RAP2A: variants seen among roughly 807,000 people sequenced by gnomAD.
RAP2A encodes ras-related protein Rap-2a.
A neutral mutation model predicts 15.1 loss-of-function variants in RAP2A; 5 were observed. The ratio of observed to expected loss-of-function variants is 0.33; its 90% confidence interval spans 0.17 to 0.70. The LOEUF is 0.70. Ranked by LOEUF, RAP2A falls within the 30% of genes least tolerant of loss-of-function variation. The pLI is 0.68. For synonymous variants in RAP2A, 110 were observed against 99.7 expected, an observed-to-expected ratio of 1.10 and a Z score of -0.62; for missense variants, 111 against 240.3, an observed-to-expected ratio of 0.46 and a Z score of 3.56.
Position 97,466,771 on chromosome 13 carries a change from A to C in RAP2A, c.*2329A>C, listed in dbSNP as rs1324022985. On this transcript the variant is annotated 3_prime_UTR_variant, in exon 2 of 2. Coordinates refer to ENST00000245304, the MANE Select transcript of RAP2A (RefSeq NM_021033.7). ...GATGACAGGGTGGGCTTTTACTGTC[A>C]AGACATGAATAAGAACTGATCTGGC... The C allele has an allele frequency of 6.6e-6, 1 of 152,194 alleles. No homozygotes were observed. The highest frequency in any genetic ancestry group is 1.5e-5 in the Non-Finnish European group (1 of 68,016). 9.4% of individuals were successfully genotyped at this position (152,194 alleles called of 1,614,324 possible).
At chr13:97,449,633 T>C (rs1300318744) in intron 1 of RAP2A, among the ~76,000 whole-genome samples, 2 of 152,232 alleles carry the variant, frequency 1.3e-5, no homozygotes, top group East Asian at 3.8e-4. Flanking sequence ...TGTCAAAATG[T>C]AACTCTTCAT....
chr13:97,435,031 T>C (rs988867881), intron 1 of RAP2A, among the ~76,000 whole-genome samples: 1 of 152,196 alleles, frequency 6.6e-6, no homozygotes, highest in Non-Finnish European at 1.5e-5. Flanking sequence ...TAGCATTGCT[T>C]GTTACAGAGC....
chr13:97,448,062 T>G (rs2066687000), intron 1 of RAP2A, among the ~76,000 whole-genome samples: 1 of 152,096 alleles, frequency 6.6e-6, no homozygotes, highest in Non-Finnish European at 1.5e-5. Flanking sequence ...TGACTTGACT[T>G]AGTATTTACT....
At chr13:97,435,207 AAAGTC>A (rs1033572955) in intron 1 of RAP2A, among the ~76,000 whole-genome samples, 1 of 152,222 alleles carries the variant, frequency 6.6e-6, no homozygotes, top group Non-Finnish European at 1.5e-5. Context: ...CCTATACAGT[AAAGTC>A]AAGTCCAGAG....
intron 1 of RAP2A, among the ~76,000 whole-genome samples, chr13:97,435,663 T>C (rs2066631045): frequency 6.6e-6 from 1 of 152,126 alleles, no homozygotes; most frequent in African/African-American, 2.4e-5. Flanking sequence ...AAAATGTTTG[T>C]TTTCTCTTAA....
Position 97,434,308 on chromosome 13 carries a change from TGCCGCCGCC to T in RAP2A, c.-155_-147del, listed in dbSNP as rs1162266985. 309 of 298,614 alleles carry T rather than the reference TGCCGCCGCC, an allele frequency of 1.0e-3. 1 individual carries two copies. Among genetic ancestry groups the T allele is most frequent in the South Asian group, 3.0e-3 (21 of 7,014 alleles). 18.5% of individuals were successfully genotyped at this position (298,614 alleles called of 1,614,324 possible). A position where few individuals can be genotyped will look rare whatever the true frequency, so the allele number is the denominator to read the frequency against. ...TGCCCAGGGCCGCTGCTCCCTCAGT[TGCCGCCGCC>T]GCCGCCGGCGCCCAGGGGGCCGCCG... On this transcript the variant is annotated 5_prime_UTR_variant, in exon 1 of 2. Transcript: ENST00000245304.
At chr13:97,464,173 A>C (rs558831988) in intron 1 of RAP2A, 32 bp from the exon 2 acceptor site, 5 of 1,605,372 alleles carry the variant, frequency 3.1e-6, no homozygotes, top group Non-Finnish European at 4.3e-6. Flanking sequence ...TAACTGTTAC[A>C]ATGTATGTGT....
Position 97,438,858 on chromosome 13 carries a change from A to T in RAP2A, c.314+4074A>T, listed in dbSNP as rs76134825. 4.4e-3 allele frequency among the ~76,000 whole-genome samples: 673 copies of T among 152,330 alleles called. 6 individuals are homozygous for T. Among genetic ancestry groups the T allele is most frequent in the African/African-American group, 0.016 (645 of 41,578 alleles). On this transcript the variant is annotated intron_variant, in intron 1 of 1. Transcript: ENST00000245304. ...TAGGAAACAAGAAAAAATGTTGAAAAAATGAATGTTCAGAAAGAAAAGTAT... is the reference window on the plus strand; with the variant it reads ...TAGGAAACAAGAAAAAATGTTGAAATAATGAATGTTCAGAAAGAAAAGTAT...
At chr13:97,438,291 C>T (rs1203811940) in intron 1 of RAP2A, among the ~76,000 whole-genome samples, 1 of 152,164 alleles carries the variant, frequency 6.6e-6, no homozygotes, top group Non-Finnish European at 1.5e-5. Context: ...CACAGTCCAG[C>T]TTGCTCTTAT....
chr13:97,463,034 A>G (rs1423734063), intron 1 of RAP2A, among the ~76,000 whole-genome samples: 1 of 152,136 alleles, frequency 6.6e-6, no homozygotes, highest in African/African-American at 2.4e-5. Context: ...TTCCAGTCAC[A>G]TTTGTTATCA....
At chr13:97,438,826 T>C (rs1190371596) in intron 1 of RAP2A, among the ~76,000 whole-genome samples, 1 of 152,190 alleles carries the variant, frequency 6.6e-6, no homozygotes, top group African/African-American at 2.4e-5. Flanking sequence ...CAGCTCCTAC[T>C]AGCACATAGG....
At chr13:97,446,132 C>T (rs1276279411) in intron 1 of RAP2A, among the ~76,000 whole-genome samples, 1 of 152,064 alleles carries the variant, frequency 6.6e-6, no homozygotes, top group Non-Finnish European at 1.5e-5. Context: ...GACTGTATGT[C>T]TCTTTTATCT....
chr13:97,455,940 G>C (rs1009923583), intron 1 of RAP2A, among the ~76,000 whole-genome samples: 3 of 151,100 alleles, frequency 2.0e-5, no homozygotes, highest in Non-Finnish European at 4.4e-5. Flanking sequence ...TCATCCTTCT[G>C]GTAAAATGGG....
chr13:97,461,430 T>A lies in RAP2A; in HGVS notation c.315-2775T>A, dbSNP rs2066745516. 2.6e-5 allele frequency among the ~76,000 whole-genome samples: 4 copies of A among 152,364 alleles called. No individual in the cohort carries two copies. The South Asian group carries it at 8.3e-4, about 32-fold the overall frequency. ...GTGATATAATAAACAGGTCCTCTGA[T>A]ACTGACTGCATTTTCATCTACATTT... On this transcript the variant is annotated intron_variant, in intron 1 of 1. Coordinates refer to ENST00000245304, the MANE Select transcript of RAP2A (RefSeq NM_021033.7).
chr13:97,434,852 C>A, intron 1 of RAP2A, 68 bp downstream of exon 1: 1 of 1,578,374 alleles, frequency 6.3e-7, no homozygotes, highest in African/African-American at 1.4e-5. Flanking sequence ...TGGAACTCCC[C>A]GCGCGGGGCT....
At chr13:97,464,052 A>G (rs544882025) in intron 1 of RAP2A, among the ~76,000 whole-genome samples, 153 bp from the exon 2 acceptor site, 29 of 152,342 alleles carry the variant, frequency 1.9e-4, no homozygotes, top group African/African-American at 7.0e-4. Flanking sequence ...ATGCCCTCAG[A>G]TCTAAGTATC....
chr13:97,459,814 T>C (rs995496364), intron 1 of RAP2A, among the ~76,000 whole-genome samples: 1 of 152,226 alleles, frequency 6.6e-6, no homozygotes, highest in African/African-American at 2.4e-5. Flanking sequence ...AATTGACTTG[T>C]TATGTTTATT....
chr13:97,441,450 A>AT (rs1283263731), intron 1 of RAP2A, among the ~76,000 whole-genome samples: 3 of 152,156 alleles, frequency 2.0e-5, no homozygotes, highest in Non-Finnish European at 2.9e-5. Context: ...TACTTGAGTG[A>AT]TTTAATTTCT....
Position 97,468,012 on chromosome 13 carries a change from G to A in RAP2A, c.*3570G>A, listed in dbSNP as rs2066780092. On this transcript the variant is annotated 3_prime_UTR_variant, in exon 2 of 2. Transcript: ENST00000245304. ...TGAAACTCTGGATTTGCTTTGTTTT[G>A]TACATGCTCATGAGAGAAATGTATT... 2 of 152,034 alleles carry A rather than the reference G, an allele frequency of 1.3e-5. No homozygotes were observed. Among genetic ancestry groups the A allele is most frequent in the African/African-American group, 4.8e-5 (2 of 41,374 alleles). The allele number at this position is 152,034 out of a possible 1,614,324, so 9.4% of individuals were successfully genotyped here.
Sources: gnomAD v4.1 joint callset for allele counts (sites outside exome capture counted in the v4.1 genomes callset) on GRCh38, gnomAD v4.1.1 for gene constraint, MANE v1.5 for transcripts, NCBI Gene and HGNC (gene_info 2026-07-23, HGNC 2026-07-21) for gene names.